The following PTPRD variants were observed in gnomAD, a reference collection of about 807,000 sequenced individuals.
The protein encoded by PTPRD is receptor-type tyrosine-protein phosphatase delta.
PTPRD carries 34 observed loss-of-function variants against 214.5 expected under a neutral mutation model. That is an observed-to-expected ratio of 0.16 (90% CI 0.12 to 0.21). PTPRD has a LOEUF of 0.21. Among genes scored for constraint, PTPRD ranks in the 10% least tolerant of loss-of-function variants. The pLI is 1.00. For missense variants in PTPRD, 2,545 were observed against 2,398.7 expected (o/e 1.06, Z -1.27); for synonymous variants, 1,128 against 845.7 (o/e 1.33, Z -5.79).
intron 9 of PTPRD, among the ~76,000 whole-genome samples, chr9:9,339,088 T>A (rs1208612583): frequency 6.6e-6 from 1 of 152,146 alleles, no homozygotes; most frequent in South Asian, 2.1e-4. Context: ...CCAGTGCCAT[T>A]GGGAGGGCTT....
chr9:10,380,752 C>G (rs1380938798), intron 2 of PTPRD, among the ~76,000 whole-genome samples: 44 of 147,040 alleles, frequency 3.0e-4, no homozygotes, highest in Non-Finnish European at 4.5e-5. Flanking sequence ...TTTCTGCAGC[C>G]CTTGTCATCC....
intron 9 of PTPRD, among the ~76,000 whole-genome samples, chr9:9,283,053 C>G (rs1454858387): frequency 1.3e-5 from 2 of 151,330 alleles, no homozygotes; most frequent in Non-Finnish European, 3.0e-5. Flanking sequence ...TCAATCTTCC[C>G]CTAAACTTGG....
intron 3 of PTPRD, among the ~76,000 whole-genome samples, chr9:10,312,680 G>A (rs1489287822): frequency 6.6e-6 from 1 of 151,716 alleles, no homozygotes; most frequent in Non-Finnish European, 1.5e-5. Flanking sequence ...ATATATAAAA[G>A]CATGACAAAC....
intron 11 of PTPRD, among the ~76,000 whole-genome samples, chr9:8,945,668 T>C (rs1371974400): frequency 1.3e-5 from 2 of 152,122 alleles, no homozygotes. Flanking sequence ...CACTGTCTTT[T>C]TCCTGTTTTA....
At chr9:8,766,894 G>A (rs551839573) in intron 11 of PTPRD, among the ~76,000 whole-genome samples, 5 of 152,132 alleles carry the variant, frequency 3.3e-5, no homozygotes, top group Non-Finnish European at 4.4e-5. Context: ...TCAATTAGCC[G>A]ATGGTGAAAT....
At chr9:9,861,267 A>G (rs1171523332) in intron 5 of PTPRD, among the ~76,000 whole-genome samples, 1 of 151,980 alleles carries the variant, frequency 6.6e-6, no homozygotes, top group Non-Finnish European at 1.5e-5. Flanking sequence ...AGATTGAAAT[A>G]GTTATTTTAT....
intron 2 of PTPRD, among the ~76,000 whole-genome samples, chr9:10,473,364 T>C (rs918985971): frequency 6.6e-6 from 1 of 152,110 alleles, no homozygotes; most frequent in African/African-American, 2.4e-5. Flanking sequence ...ACCATAGTTA[T>C]GGTTGTGTCT....
At chr9:9,261,703 G>A (rs1406689877) in intron 9 of PTPRD, among the ~76,000 whole-genome samples, 1 of 151,024 alleles carries the variant, frequency 6.6e-6, no homozygotes, top group East Asian at 2.0e-4. Flanking sequence ...TGTGAATCAA[G>A]GCACTGTAAT....
intron 26 of PTPRD, among the ~76,000 whole-genome samples, chr9:8,496,929 C>T (rs1024815416): frequency 2.0e-5 from 3 of 152,154 alleles, no homozygotes; most frequent in Non-Finnish European, 4.4e-5. Flanking sequence ...CCCAGAGAAG[C>T]CAAAAGATTA....
intron 5 of PTPRD, among the ~76,000 whole-genome samples, chr9:9,799,880 TA>T (rs147231686): frequency 0.02 from 2,982 of 152,192 alleles, 90 homozygotes; most frequent in African/African-American, 0.068. Flanking sequence ...GAACTCTGAT[TA>T]ATCACGAAGA....
chr9:9,658,186 A>G (rs2096557356), intron 7 of PTPRD, among the ~76,000 whole-genome samples: 1 of 152,170 alleles, frequency 6.6e-6, no homozygotes, highest in Non-Finnish European at 1.5e-5. Context: ...GATATAATCA[A>G]AAGTCAGATG....
intron 10 of PTPRD, among the ~76,000 whole-genome samples, chr9:9,160,669 C>A (rs1396697335): frequency 6.6e-6 from 1 of 152,090 alleles, no homozygotes; most frequent in Non-Finnish European, 1.5e-5. Context: ...ATTCAGCAAA[C>A]CCACTTCTGG....
chr9:10,012,350 G>C (rs1199761812), intron 4 of PTPRD, among the ~76,000 whole-genome samples: 1 of 151,650 alleles, frequency 6.6e-6, no homozygotes, highest in Non-Finnish European at 1.5e-5. Flanking sequence ...TAAAAAAGTG[G>C]AAAAGCAGAT....
intron 6 of PTPRD, among the ~76,000 whole-genome samples, chr9:9,740,241 C>T (rs1191853328): frequency 6.6e-6 from 1 of 152,082 alleles, no homozygotes; most frequent in Non-Finnish European, 1.5e-5. Flanking sequence ...TCCCTATAAG[C>T]TACATCATTT....
chr9:10,468,542 A>C (rs768699947), intron 2 of PTPRD, among the ~76,000 whole-genome samples: 3 of 152,144 alleles, frequency 2.0e-5, no homozygotes, highest in Non-Finnish European at 4.4e-5. Flanking sequence ...AGAAATACTT[A>C]ATGTAGATGA....
intron 10 of PTPRD, among the ~76,000 whole-genome samples, chr9:9,065,596 G>C (rs933217351): frequency 1.3e-5 from 2 of 152,146 alleles, no homozygotes; most frequent in African/African-American, 4.8e-5. Context: ...GAGTTATAAT[G>C]TACAGACTTA....
chr9:10,143,492 G>T (rs1189950899), intron 3 of PTPRD, among the ~76,000 whole-genome samples: 1 of 151,932 alleles, frequency 6.6e-6, no homozygotes, highest in East Asian at 1.9e-4. Flanking sequence ...ACCATGGAGA[G>T]CAGTCTGGAA....
intron 3 of PTPRD, among the ~76,000 whole-genome samples, chr9:10,196,150 G>T (rs1456872213): frequency 1.3e-5 from 2 of 152,034 alleles, no homozygotes; most frequent in African/African-American, 4.8e-5. Context: ...TTTAATGCAT[G>T]GACTTTATTG....
At chr9:8,355,684 T>C (rs1292596767) in intron 39 of PTPRD, among the ~76,000 whole-genome samples, 1 of 152,172 alleles carries the variant, frequency 6.6e-6, no homozygotes, top group African/African-American at 2.4e-5. Flanking sequence ...TCAATCGCCA[T>C]GCAGTGTACC....
Sources: gnomAD v4.1 joint callset for allele counts (sites outside exome capture counted in the v4.1 genomes callset) on GRCh38, gnomAD v4.1.1 for gene constraint, MANE v1.5 for transcripts, NCBI Gene and HGNC (gene_info 2026-07-23, HGNC 2026-07-21) for gene names.